The following AFF2 variants were observed in gnomAD, a reference collection of about 807,000 sequenced individuals.
The protein encoded by AFF2 is AF4/FMR2 family member 2.
In AFF2, 14 loss-of-function variants were observed where a neutral mutation model predicts 76.9. The ratio of observed to expected loss-of-function variants is 0.18; its 90% confidence interval spans 0.12 to 0.28. The LOEUF (loss-of-function observed/expected upper bound fraction) is 0.28. Among genes scored for constraint, AFF2 ranks in the 10% least tolerant of loss-of-function variants. The probability of loss-of-function intolerance (pLI) is 1.00; values close to 1 mark genes in which losing one functional copy is unlikely to be tolerated. For synonymous variants in AFF2, 398 were observed against 366.7 expected (o/e 1.09, Z -0.98); for missense variants, 868 against 1,001.1 (o/e 0.87, Z 1.79).
chrX:148,596,239 C>T (rs144713048), intron 1 of AFF2, among the ~76,000 whole-genome samples: 373 of 111,662 alleles, frequency 3.3e-3, no homozygotes, highest in Non-Finnish European at 4.8e-3. Flanking sequence ...AGAAAGAAGT[C>T]CAACAGTAAA....
At chrX:148,862,985 A>AT (rs1157730381) in intron 7 of AFF2, among the ~76,000 whole-genome samples, 2 of 111,327 alleles carry the variant, frequency 1.8e-5, no homozygotes, top group Non-Finnish European at 3.8e-5. Flanking sequence ...CCAATTACAT[A>AT]TTTTTTTATA....
intron 3 of AFF2, among the ~76,000 whole-genome samples, chrX:148,670,839 A>G (rs782591230): frequency 1.8e-5 from 2 of 112,017 alleles, no homozygotes; most frequent in South Asian, 3.7e-4. Context: ...ATTTTATACC[A>G]TACTTTTCTT....
chrX:148,546,577 T>C (rs183764373), intron 1 of AFF2, among the ~76,000 whole-genome samples: 2 of 112,660 alleles, frequency 1.8e-5, no homozygotes. Context: ...ACCCAGTGTG[T>C]ATCATTGTAT....
intron 3 of AFF2, among the ~76,000 whole-genome samples, chrX:148,708,747 A>T (rs1339187671): frequency 8.9e-6 from 1 of 112,438 alleles, no homozygotes; most frequent in Non-Finnish European, 1.9e-5. Context: ...AATTAGACAA[A>T]TGCTACATTA....
intron 3 of AFF2, among the ~76,000 whole-genome samples, chrX:148,703,509 A>G (rs1179795075): frequency 1.8e-5 from 2 of 112,114 alleles, no homozygotes; most frequent in Admixed American, 1.9e-4. Context: ...TTAAACTTGG[A>G]TATTAAAACA....
chrX:148,573,655 A>G (rs1258059961), intron 1 of AFF2, among the ~76,000 whole-genome samples: 1 of 100,855 alleles, frequency 9.9e-6, no homozygotes, highest in East Asian at 2.8e-4. Flanking sequence ...TTGAAAACCA[A>G]CTGCAGACAT....
chrX:148,657,707 G>A (rs2054267333), intron 2 of AFF2, among the ~76,000 whole-genome samples: 1 of 112,239 alleles, frequency 8.9e-6, no homozygotes, highest in Admixed American at 9.4e-5. Flanking sequence ...GAAAATAATG[G>A]CTGCAGAGGT....
At chrX:148,885,683 G>A (rs2071149994) in intron 7 of AFF2, among the ~76,000 whole-genome samples, 1 of 111,775 alleles carries the variant, frequency 8.9e-6, no homozygotes, top group Admixed American at 9.5e-5. Context: ...GGGGAAGGTA[G>A]AGAGGGAAGA....
chrX:148,585,535 A>G (rs1308449914), intron 1 of AFF2, among the ~76,000 whole-genome samples: 2 of 111,618 alleles, frequency 1.8e-5, no homozygotes, highest in African/African-American at 6.5e-5. Flanking sequence ...GAAGCATAAG[A>G]TGTAATTTAA....
chrX:148,939,620 C>T (rs1300511186), intron 9 of AFF2, among the ~76,000 whole-genome samples: 3 of 111,937 alleles, frequency 2.7e-5, no homozygotes, highest in African/African-American at 9.7e-5. Flanking sequence ...TGTCCTTAGC[C>T]AGCTAATAGT....
chrX:148,614,754 C>CCTTCT (rs781859355), intron 1 of AFF2, among the ~76,000 whole-genome samples: 1,225 of 48,961 alleles, frequency 0.025, 25 homozygotes, highest in Middle Eastern at 0.052. Context: ...TTCTTTCTTT[C>CCTTCT]TTTCTTTCTT....
chrX:148,723,219 G>C (rs782439077), intron 3 of AFF2, among the ~76,000 whole-genome samples: 2 of 112,046 alleles, frequency 1.8e-5, no homozygotes, highest in East Asian at 2.9e-4. Flanking sequence ...AAAGGTAGCA[G>C]GCTAGCCAAC....
intron 3 of AFF2, among the ~76,000 whole-genome samples, chrX:148,797,816 A>T (rs2070004896): frequency 8.9e-6 from 1 of 112,256 alleles, no homozygotes; most frequent in South Asian, 3.7e-4. Flanking sequence ...AAATCACGTC[A>T]TGCAAGCTGA....
intron 1 of AFF2, among the ~76,000 whole-genome samples, chrX:148,618,975 A>G (rs782237570): frequency 9.0e-5 from 10 of 111,484 alleles, no homozygotes; most frequent in Admixed American, 2.9e-4. Flanking sequence ...TTATGATGCA[A>G]CCTGTCCAGA....
intron 3 of AFF2, among the ~76,000 whole-genome samples, chrX:148,672,447 T>C (rs1187418895): frequency 8.9e-6 from 1 of 112,226 alleles, no homozygotes; most frequent in African/African-American, 3.2e-5. Context: ...CAAATGGCTA[T>C]GGCAGGACCA....
chrX:148,959,272 C>T (rs1290306993), intron 12 of AFF2, among the ~76,000 whole-genome samples: 2 of 112,072 alleles, frequency 1.8e-5, no homozygotes, highest in Non-Finnish European at 3.8e-5. Context: ...ATAAATATCA[C>T]TTAACTAACA....
intron 3 of AFF2, among the ~76,000 whole-genome samples, chrX:148,701,482 T>C (rs1322571157): frequency 8.9e-6 from 1 of 112,064 alleles, no homozygotes; most frequent in Non-Finnish European, 1.9e-5. Context: ...ATTTATATAA[T>C]GTCCAAATGA....
At position 148,755,706 on chromosome X, in the gene AFF2, T is replaced by TTATC. The variant is rs782126953; in HGVS notation, c.1042-54153_1042-54150dup. Among the ~76,000 whole-genome samples, 595 of 112,035 alleles carry TTATC rather than the reference T, an allele frequency of 5.3e-3. 2 individuals carry two copies. The highest frequency in any genetic ancestry group is 7.2e-3 in the Admixed American group (76 of 10,546). ...CGGTAAAATATCCAGTGATTATCTG[T>TTATC]TATCTATCTATCTATCTATCCATCT... On this transcript the variant is annotated intron_variant, in intron 3 of 20. Transcript: ENST00000370460.
chrX:148,907,019 C>T (rs1229152329), intron 9 of AFF2, among the ~76,000 whole-genome samples: 4 of 111,560 alleles, frequency 3.6e-5, no homozygotes, highest in South Asian at 3.9e-4. Flanking sequence ...TAACACTCAC[C>T]ACATGGCCCA....
Sources: allele counts gnomAD v4.1 joint callset (sites outside exome capture counted in the v4.1 genomes callset), GRCh38; gene constraint gnomAD v4.1.1; transcripts MANE v1.5; gene names NCBI Gene and HGNC (gene_info 2026-07-23, HGNC 2026-07-21).